The following SCHIP1 variants were observed in gnomAD, a reference collection of about 807,000 sequenced individuals.
SCHIP1 encodes the protein schwannomin-interacting protein 1.
A neutral mutation model predicts 29.7 loss-of-function variants in SCHIP1; 8 were observed. The ratio of observed to expected loss-of-function variants is 0.27; its 90% CI spans 0.16 to 0.49. SCHIP1 has a LOEUF of 0.49. Among genes scored for constraint, SCHIP1 ranks in the 20% least tolerant of loss-of-function variants. SCHIP1 has a pLI of 0.99. For missense variants in SCHIP1, 193 were observed against 294.6 expected, an observed-to-expected ratio of 0.66 and a Z score of 2.52; for synonymous variants, 76 against 94.9, an observed-to-expected ratio of 0.80 and a Z score of 1.16.
chr3:159,392,735 C>G, the SCHIP1 span, among the ~76,000 whole-genome samples: 1 of 151,786 alleles, frequency 6.6e-6, no homozygotes, highest in African/African-American at 2.4e-5. Flanking sequence ...GGGTTGGTTC[C>G]AAGTCTTTGC....
chr3:159,455,315 T>C, the SCHIP1 span, among the ~76,000 whole-genome samples: 1 of 152,202 alleles, frequency 6.6e-6, no homozygotes, highest in South Asian at 2.1e-4. Flanking sequence ...AGTGAGGCAC[T>C]AGAAGACTCA....
At chr3:159,771,186 A>G in the SCHIP1 span, among the ~76,000 whole-genome samples, 1 of 152,228 alleles carries the variant, frequency 6.6e-6, no homozygotes, top group East Asian at 1.9e-4. Context: ...ATTATTCTGT[A>G]AGAATTACAG....
chr3:159,762,910 C>T, the SCHIP1 span, among the ~76,000 whole-genome samples: 1 of 152,230 alleles, frequency 6.6e-6, no homozygotes, highest in Admixed American at 6.5e-5. Flanking sequence ...TACCTCTTCC[C>T]CTCCTTTAAG....
At chr3:159,382,555 C>T in the SCHIP1 span, among the ~76,000 whole-genome samples, 6 of 152,136 alleles carry the variant, frequency 3.9e-5, no homozygotes, top group South Asian at 6.2e-4. Flanking sequence ...TGAATAGAGC[C>T]GCAATAAACA....
chr3:159,729,071 C>T, the SCHIP1 span, among the ~76,000 whole-genome samples: 4 of 151,838 alleles, frequency 2.6e-5, no homozygotes, highest in African/African-American at 9.7e-5. Context: ...TCACTTGAAC[C>T]CGGGAGGCAG....
intron 2 of SCHIP1, among the ~76,000 whole-genome samples, chr3:159,874,555 C>A (rs1283007015): frequency 6.6e-6 from 1 of 152,114 alleles, no homozygotes; most frequent in African/African-American, 2.4e-5. Flanking sequence ...AACAGTGAAT[C>A]CAGAGAGACT....
the SCHIP1 span, among the ~76,000 whole-genome samples, chr3:159,641,752 A>T: frequency 6.6e-6 from 1 of 152,200 alleles, no homozygotes; most frequent in Non-Finnish European, 1.5e-5. Context: ...CCCACTCTTC[A>T]CAGTGGATAA....
the SCHIP1 span, among the ~76,000 whole-genome samples, chr3:159,755,290 G>A: frequency 1.7e-3 from 266 of 152,240 alleles, no homozygotes; most frequent in African/African-American, 6.2e-3. Context: ...ACATGGCTGG[G>A]GATACCTCGC....
chr3:159,505,724 T>C, the SCHIP1 span, among the ~76,000 whole-genome samples: 1 of 152,194 alleles, frequency 6.6e-6, no homozygotes, highest in Non-Finnish European at 1.5e-5. Flanking sequence ...ATGAGGTGTT[T>C]GGTTTTTAGT....
chr3:159,298,177 A>G, the SCHIP1 span, among the ~76,000 whole-genome samples: 8 of 152,348 alleles, frequency 5.3e-5, no homozygotes, highest in African/African-American at 1.9e-4. Flanking sequence ...TAGATGATTC[A>G]TAATTAATGC....
chr3:159,491,545 C>T, the SCHIP1 span, among the ~76,000 whole-genome samples: 934 of 152,302 alleles, frequency 6.1e-3, 9 homozygotes, highest in African/African-American at 0.022. Flanking sequence ...AAGGTGACAG[C>T]GAGGCTGGGG....
At chr3:159,608,354 C>T in the SCHIP1 span, among the ~76,000 whole-genome samples, 1 of 152,144 alleles carries the variant, frequency 6.6e-6, no homozygotes, top group African/African-American at 2.4e-5. Flanking sequence ...AAAATATATA[C>T]ATGAAAATTG....
the SCHIP1 span, among the ~76,000 whole-genome samples, chr3:159,611,671 A>G: frequency 1.3e-5 from 2 of 152,308 alleles, no homozygotes; most frequent in South Asian, 4.1e-4. Flanking sequence ...TGTTCTGCAC[A>G]TGTATCCCAG....
At chr3:159,820,811 A>T in the SCHIP1 span, among the ~76,000 whole-genome samples, 4 of 152,152 alleles carry the variant, frequency 2.6e-5, no homozygotes, top group Admixed American at 2.0e-4. Context: ...AAAATGGATG[A>T]CCTTACCCAG....
chr3:159,506,465 G>C, the SCHIP1 span, among the ~76,000 whole-genome samples: 1 of 152,284 alleles, frequency 6.6e-6, no homozygotes, highest in East Asian at 1.9e-4. Flanking sequence ...AAGCTCTTTA[G>C]TTTAATTAGA....
the SCHIP1 span, among the ~76,000 whole-genome samples, chr3:159,633,282 C>T: frequency 1.3e-5 from 2 of 152,156 alleles, no homozygotes; most frequent in Non-Finnish European, 2.9e-5. Context: ...TAAGGAAGCT[C>T]ATCCCACAAG....
the SCHIP1 span, among the ~76,000 whole-genome samples, chr3:159,716,044 A>C: frequency 6.6e-6 from 1 of 151,372 alleles, no homozygotes; most frequent in Non-Finnish European, 1.5e-5. Context: ...AGACTAACAG[A>C]GGATCTCTCA....
chr3:159,875,569 T>C (rs1715718958), intron 2 of SCHIP1, among the ~76,000 whole-genome samples: 1 of 152,226 alleles, frequency 6.6e-6, no homozygotes, highest in South Asian at 2.1e-4. Context: ...ATTACTGTAG[T>C]TTGCATTCTC....
the SCHIP1 span, among the ~76,000 whole-genome samples, chr3:159,679,522 G>C: frequency 2.6e-5 from 4 of 152,186 alleles, no homozygotes; most frequent in South Asian, 8.3e-4. Flanking sequence ...TCTTTTTGTA[G>C]ACAAAGGGAG....
Sources: allele counts gnomAD v4.1 joint callset (sites outside exome capture counted in the v4.1 genomes callset), GRCh38; gene constraint gnomAD v4.1.1; transcripts MANE v1.5; gene names NCBI Gene and HGNC (gene_info 2026-07-23, HGNC 2026-07-21).